Variants in ASTN2 observed in about 807,000 individuals in gnomAD.
The protein encoded by ASTN2 is astrotactin-2.
Under a neutral mutation model 139.8 loss-of-function variants are expected in ASTN2, and 54 were observed. That is an observed-to-expected ratio of 0.39 (90% CI 0.31 to 0.48). The LOEUF (loss-of-function observed/expected upper bound fraction) is 0.48, where lower values mean the gene tolerates loss of function less well. ASTN2 is among the 20% of genes least tolerant of loss of function. The probability of loss-of-function intolerance (pLI) is 0.95; values close to 1 mark genes in which losing one functional copy is unlikely to be tolerated. For missense variants in ASTN2, 1,565 were observed against 1,725.1 expected (o/e 0.91, Z 1.64); for synonymous variants, 756 against 719.5 (o/e 1.05, Z -0.81).
At chr9:117,057,405 A>G (rs940152823) in intron 5 of ASTN2, among the ~76,000 whole-genome samples, 1 of 152,214 alleles carries the variant, frequency 6.6e-6, no homozygotes, top group Non-Finnish European at 1.5e-5. Context: ...CTAAGTAACT[A>G]TAACTCAGGT....
chr9:117,060,295 A>G (rs1416551196), intron 5 of ASTN2, among the ~76,000 whole-genome samples: 1 of 146,402 alleles, frequency 6.8e-6, no homozygotes, highest in Non-Finnish European at 1.5e-5. Context: ...TGGGCAAAAG[A>G]GCAAGACTCT....
rs566897250 is a variant in ASTN2, at chr9:116,444,012, A to G, written c.3498-1459T>C. Among the ~76,000 whole-genome samples the G allele has an allele frequency of 2.6e-5, 4 of 152,326 alleles. No homozygotes were observed. The East Asian group carries it at 7.7e-4, about 29-fold the overall frequency. On this transcript the variant is annotated intron_variant, in intron 20 of 22. Coordinates refer to ENST00000313400, the MANE Select transcript of ASTN2 (RefSeq NM_001365068.1). ...TACAAATTAATTATTATGTGCTAAG[A>G]CCCTAATATGTGTCAAGCACTGAGC...
At chr9:116,439,305 A>G (rs972097323) in intron 22 of ASTN2, among the ~76,000 whole-genome samples, 7 of 127,676 alleles carry the variant, frequency 5.5e-5, no homozygotes, top group African/African-American at 2.2e-4. Flanking sequence ...GGTTCACGCC[A>G]TTCTCCTGCC....
chr9:117,412,026 C>A (rs1410907097), intron 1 of ASTN2, among the ~76,000 whole-genome samples: 1 of 148,010 alleles, frequency 6.8e-6, no homozygotes, highest in East Asian at 2.0e-4. Flanking sequence ...CAACCCCCAG[C>A]GGGCACCAAC....
At chr9:116,788,727 C>A (rs1449625350) in intron 13 of ASTN2, among the ~76,000 whole-genome samples, 2 of 152,088 alleles carry the variant, frequency 1.3e-5, no homozygotes, top group East Asian at 1.9e-4. Flanking sequence ...AAAACTGTGA[C>A]CCTTAGTATT....
intron 2 of ASTN2, among the ~76,000 whole-genome samples, chr9:117,224,165 T>C (rs1021398846): frequency 6.6e-6 from 1 of 152,254 alleles, no homozygotes; most frequent in East Asian, 1.9e-4. Context: ...CATAGGTTCG[T>C]CTATTGACAT....
chr9:117,384,651 C>A (rs747544991), intron 1 of ASTN2, among the ~76,000 whole-genome samples: 3 of 152,214 alleles, frequency 2.0e-5, no homozygotes, highest in Non-Finnish European at 4.4e-5. Flanking sequence ...AGAGGGTTGA[C>A]TGTGACAATC....
chr9:117,358,738 A>T (rs1013856097), intron 1 of ASTN2, among the ~76,000 whole-genome samples: 6 of 152,072 alleles, frequency 3.9e-5, no homozygotes, highest in African/African-American at 1.4e-4. Context: ...GGAGAAATGC[A>T]ATCTCCTCCA....
chr9:116,483,920 T>G (rs1190037360), intron 20 of ASTN2, among the ~76,000 whole-genome samples: 2 of 152,192 alleles, frequency 1.3e-5, no homozygotes, highest in Non-Finnish European at 2.9e-5. Flanking sequence ...GTGGAGAGAC[T>G]AGTCCTTCAC....
At chr9:116,449,490 C>T (rs1215869314) in intron 20 of ASTN2, among the ~76,000 whole-genome samples, 1 of 152,124 alleles carries the variant, frequency 6.6e-6, no homozygotes, top group Non-Finnish European at 1.5e-5. Flanking sequence ...GTTTATGAAA[C>T]GATGCTTGAC....
At chr9:117,382,623 C>A (rs1452675595) in intron 1 of ASTN2, among the ~76,000 whole-genome samples, 1 of 152,128 alleles carries the variant, frequency 6.6e-6, no homozygotes, top group Non-Finnish European at 1.5e-5. Flanking sequence ...AAATGACTTT[C>A]AACACACACC....
At chr9:117,134,742 A>T (rs1181263055) in intron 4 of ASTN2, among the ~76,000 whole-genome samples, 1 of 152,092 alleles carries the variant, frequency 6.6e-6, no homozygotes, top group African/African-American at 2.4e-5. Flanking sequence ...GCCAGCCCAC[A>T]CCACCTTCAT....
chr9:116,961,648 A>G (rs943826050), intron 10 of ASTN2, among the ~76,000 whole-genome samples: 11 of 152,202 alleles, frequency 7.2e-5, no homozygotes, highest in African/African-American at 2.4e-4. Context: ...CACTGCTATC[A>G]GTCTCATATT....
At chr9:116,685,286 G>A (rs1000132699) in intron 16 of ASTN2, among the ~76,000 whole-genome samples, 9 of 152,032 alleles carry the variant, frequency 5.9e-5, no homozygotes, top group Admixed American at 3.9e-4. Context: ...GACCAACAGC[G>A]CTCCTGGCTC....
At chr9:116,828,464 C>T (rs1390370743) in intron 11 of ASTN2, among the ~76,000 whole-genome samples, 2 of 151,872 alleles carry the variant, frequency 1.3e-5, no homozygotes, top group Non-Finnish European at 2.9e-5. Context: ...AGGAAAAAAG[C>T]CATACAATAA....
chr9:117,410,797 T>C (rs1471915149), intron 1 of ASTN2, among the ~76,000 whole-genome samples: 1 of 152,186 alleles, frequency 6.6e-6, no homozygotes, highest in African/African-American at 2.4e-5. Context: ...CCATCACTCA[T>C]TGGCACCAAT....
intron 1 of ASTN2, among the ~76,000 whole-genome samples, chr9:117,326,115 A>G (rs1298312182): frequency 1.3e-5 from 2 of 152,072 alleles, no homozygotes; most frequent in Admixed American, 1.3e-4. Context: ...GAAGCTGGAA[A>G]TCCAGCTGTT....
intron 4 of ASTN2, among the ~76,000 whole-genome samples, chr9:117,132,875 A>T (rs1349033000): frequency 6.6e-6 from 1 of 152,178 alleles, no homozygotes; most frequent in South Asian, 2.1e-4. Context: ...ACAAATCTAC[A>T]GCATGCTTTA....
chr9:116,679,909 T>C (rs920066527), intron 16 of ASTN2, among the ~76,000 whole-genome samples: 32 of 151,932 alleles, frequency 2.1e-4, no homozygotes, highest in Admixed American at 2.0e-4. Context: ...TAAATGCCCA[T>C]AAGAGAAAGC....
Sources: allele counts gnomAD v4.1 joint callset (sites outside exome capture counted in the v4.1 genomes callset), GRCh38; gene constraint gnomAD v4.1.1; transcripts MANE v1.5; gene names NCBI Gene and HGNC (gene_info 2026-07-23, HGNC 2026-07-21).